Variants in ADSL observed in about 807,000 individuals in gnomAD.
The protein encoded by ADSL is adenylosuccinate lyase, also known as adenylosuccinase.
A neutral mutation model predicts 62.1 loss-of-function variants in ADSL; 44 were observed. The ratio of observed to expected loss-of-function variants is 0.71; its 90% CI spans 0.56 to 0.91. The LOEUF (loss-of-function observed/expected upper bound fraction) is 0.91, where lower values mean the gene tolerates loss of function less well. Ranked by LOEUF, ADSL falls within the 40% of genes least tolerant of loss-of-function variation. The pLI, the probability that ADSL is intolerant of heterozygous loss-of-function variation, is 0.00. For missense variants in ADSL, 531 were observed against 627.4 expected, an observed-to-expected ratio of 0.85 and a Z score of 1.64; for synonymous variants, 198 against 220.5, an observed-to-expected ratio of 0.90 and a Z score of 0.90.
Position 40,358,862 on chromosome 22 carries a change from A to C in ADSL, c.483-2A>C, listed in dbSNP as rs778491526. The C allele has an allele frequency of 6.2e-7, 1 of 1,614,146 alleles. No homozygotes were observed. The highest frequency in any genetic ancestry group is 1.1e-5 in the South Asian group (1 of 91,080). On this transcript the variant is annotated splice_acceptor_variant, in intron 4 of 12. Coordinates refer to ENST00000623063, the MANE Select transcript of ADSL (RefSeq NM_000026.4). LOFTEE classifies it high-confidence loss of function. ...TTTCGTGTGTTCTCTTTGGGTTTTCAGGCCTGCACAGCTGACCACAGTTGG... is the reference window on the plus strand; with the variant it reads ...TTTCGTGTGTTCTCTTTGGGTTTTCCGGCCTGCACAGCTGACCACAGTTGG...
intron 9 of ADSL, among the ~76,000 whole-genome samples, chr22:40,362,282 CG>C (rs2044822177): frequency 6.6e-6 from 1 of 152,166 alleles, no homozygotes; most frequent in Non-Finnish European, 1.5e-5. Context: ...TGAGTGGATA[CG>C]GATGTATAGT....
chr22:40,372,122 C>CTTTTT (rs58396730), downstream of ADSL, among the ~76,000 whole-genome samples: 4 of 65,202 alleles, frequency 6.1e-5, no homozygotes, highest in Non-Finnish European at 1.1e-4. Context: ...TCCCCCCCCC[C>CTTTTT]TTTTTTTTTT....
At chr22:40,354,052 T>A in intron 3 of ADSL, 196 bp from the exon 4 acceptor site, 1 of 627,298 alleles carries the variant, frequency 1.6e-6, no homozygotes, top group Non-Finnish European at 2.9e-6. Flanking sequence ...TTTTAGGTAG[T>A]CAACTCAGTT....
At chr22:40,375,175 T>C (rs930387007) in intron 2 of ADSL, among the ~76,000 whole-genome samples, 4 of 152,264 alleles carry the variant, frequency 2.6e-5, no homozygotes, top group Non-Finnish European at 5.9e-5. Flanking sequence ...CTAAGTGTGA[T>C]ACATGTTTTG....
At chr22:40,386,401 C>T (rs2048448086) in intron 2 of ADSL, among the ~76,000 whole-genome samples, 1 of 152,040 alleles carries the variant, frequency 6.6e-6, no homozygotes, top group Non-Finnish European at 1.5e-5. Context: ...TCTGGGATTT[C>T]TGTTGGTAAT....
intron 2 of ADSL, among the ~76,000 whole-genome samples, chr22:40,374,456 A>C (rs968548087): frequency 6.6e-6 from 1 of 152,258 alleles, no homozygotes; most frequent in Admixed American, 6.5e-5. Flanking sequence ...AGAGTCTGAC[A>C]GATCTGGTAA....
Position 40,386,162 on chromosome 22 carries a change from G to A in ADSL, c.90-4068G>A, listed in dbSNP as rs188867593. Among the ~76,000 whole-genome samples the A allele has an allele frequency of 1.1e-3, 163 of 152,042 alleles. 1 individual carries two copies. Among genetic ancestry groups the A allele is most frequent in the African/African-American group, 3.7e-3 (154 of 41,438 alleles). On this transcript the variant is annotated intron_variant, in intron 2 of 2. Coordinates refer to the ADSL transcript ENST00000498234. Reference sequence around the variant, plus strand: ...CCCAGAGTGCTGGGATCACAAATGTGAGCCACCACCTCTCCCAGCCAAGAG... The same window carrying A: ...CCCAGAGTGCTGGGATCACAAATGTAAGCCACCACCTCTCCCAGCCAAGAG...
rs1229114572 is a variant in ADSL at position 40,360,399 on chromosome 22, T to A, written c.702-3T>A. ...CCTAAGTCTCTCTTGTACTTATTCC[T>A]AGAGCTTTCATCATCACAGGGCAGA... On this transcript the variant is annotated splice_region_variant and splice_polypyrimidine_tract_variant and intron_variant, in intron 6 of 12. Coordinates refer to ENST00000623063, the MANE Select transcript of ADSL (RefSeq NM_000026.4). 6.2e-7 allele frequency: 1 copy of A among 1,611,016 alleles called. No individual in the cohort carries two copies. The highest frequency in any genetic ancestry group is 1.1e-5 in the South Asian group (1 of 91,002).
Position 40,364,332 on chromosome 22 carries a change from C to T in ADSL, c.1158C>T (p.Ile386=). The change falls in exon 11 of 13, where the codon ATC becomes ATT. Residue 386 remains isoleucine (I), a synonymous_variant. Transcript: ENST00000623063. ...CTTTCATGGCCACAGAGAACATCAT[C>T]ATGGCCATGGTCAAAGCTGGAGGTA... ...ELPFMATENI[I]MAMVKAGGSR... The T allele has an allele frequency of 6.2e-7, 1 of 1,614,122 alleles. No individual in the cohort carries two copies.
In ADSL at chr22:40,366,799, T is replaced by C; in HGVS notation, c.*277T>C. The C allele has an allele frequency of 1.3e-5, 5 of 397,900 alleles. No homozygotes were observed. Among genetic ancestry groups the C allele is most frequent in the South Asian group, 9.2e-5 (4 of 43,700 alleles). The allele number at this position is 397,900 out of a possible 1,614,324, so 24.6% of individuals were successfully genotyped here. On this transcript the variant is annotated 3_prime_UTR_variant, in exon 13 of 13. Coordinates refer to ENST00000623063, the MANE Select transcript of ADSL (RefSeq NM_000026.4). ...CCAGCTGCCTCAAGTTTAGTCCTTT[T>C]CACGTGTTCATTTGCTTGTAAAGTA...
chr22:40,347,727 C>T (rs2044195387), intron 1 of ADSL, among the ~76,000 whole-genome samples: 2 of 152,178 alleles, frequency 1.3e-5, no homozygotes, highest in African/African-American at 4.8e-5. Flanking sequence ...CAGGTCTTAA[C>T]CCTTTACACA....
chr22:40,381,686 G>T (rs1020501857), intron 2 of ADSL, among the ~76,000 whole-genome samples: 1 of 152,172 alleles, frequency 6.6e-6, no homozygotes, highest in African/African-American at 2.4e-5. Context: ...CGGGCGTAGT[G>T]GTTCACACCA....
At chr22:40,355,679 A>C (rs1007967790) in intron 4 of ADSL, among the ~76,000 whole-genome samples, 7 of 152,194 alleles carry the variant, frequency 4.6e-5, no homozygotes, top group Non-Finnish European at 7.3e-5. Flanking sequence ...TGCCATGAAC[A>C]AGTCCATGCT....
chr22:40,369,887 A>G (rs1338927440), downstream of ADSL, among the ~76,000 whole-genome samples: 1 of 152,174 alleles, frequency 6.6e-6, no homozygotes, highest in African/African-American at 2.4e-5. Flanking sequence ...GCTCAGTTTC[A>G]TTTAAGAACC....
chr22:40,365,223 G>GT (rs1339287613), intron 12 of ADSL, among the ~76,000 whole-genome samples, 167 bp downstream of exon 12: 1 of 152,060 alleles, frequency 6.6e-6, no homozygotes, highest in Non-Finnish European at 1.5e-5. Context: ...GTTTTGTTTT[G>GT]TTTTTTTGAG....
At chr22:40,373,321 C>T (rs907847863), downstream of ADSL, 2 of 152,150 alleles carry the variant, frequency 1.3e-5, no homozygotes, top group African/African-American at 4.8e-5. Context: ...AAATTACTAC[C>T]ATTTCTCCTG....
At chr22:40,350,280 C>T (rs1203347171) in intron 2 of ADSL, 6 of 466,622 alleles carry the variant, frequency 1.3e-5, no homozygotes, top group South Asian at 2.2e-5. Flanking sequence ...CCCACCACCA[C>T]ACTCGGCTAA....
At chr22:40,356,092 C>T (rs1334486240) in intron 4 of ADSL, among the ~76,000 whole-genome samples, 1 of 150,336 alleles carries the variant, frequency 6.7e-6, no homozygotes, top group Non-Finnish European at 1.5e-5. Flanking sequence ...GTCCCAGCTA[C>T]TTGGGAGGCT....
chr22:40,353,621 C>CTTCTTTTT (rs1555905988), intron 3 of ADSL, among the ~76,000 whole-genome samples: 3 of 114,804 alleles, frequency 2.6e-5, no homozygotes, highest in Admixed American at 1.1e-4. Context: ...AAAGCATAGC[C>CTTCTTTTT]TTTTTTTTTT....
Sources: allele counts gnomAD v4.1 joint callset (sites outside exome capture counted in the v4.1 genomes callset), GRCh38; gene constraint gnomAD v4.1.1; transcripts MANE v1.5; gene names NCBI Gene and HGNC (gene_info 2026-07-23, HGNC 2026-07-21).